C16orf74: variants seen among roughly 807,000 people sequenced by gnomAD.
C16orf74 encodes the protein uncharacterized protein C16orf74.
C16orf74 carries 10 observed loss-of-function variants against 6.5 expected under a neutral mutation model. The observed-to-expected ratio is 1.54, with a 90% CI of 0.95 to 2.61. The LOEUF (loss-of-function observed/expected upper bound fraction) is 2.61. Ranked by LOEUF, C16orf74 falls within the 30% of genes most tolerant of loss-of-function variation. C16orf74 has a pLI of 0.00. For synonymous variants in C16orf74, 60 were observed against 42.5 expected (o/e 1.41, Z -1.60); for missense variants, 141 against 105.9 (o/e 1.33, Z -1.45).
chr16:85,718,130 T>C (rs570043485), intron 2 of C16orf74, among the ~76,000 whole-genome samples: 11 of 152,344 alleles, frequency 7.2e-5, no homozygotes, highest in Non-Finnish European at 1.5e-5. Flanking sequence ...GGTCTCTCTC[T>C]GTGGCTCAGG....
At chr16:85,740,479 G>A (rs1230314451) in intron 1 of C16orf74, among the ~76,000 whole-genome samples, 1 of 151,554 alleles carries the variant, frequency 6.6e-6, no homozygotes, top group African/African-American at 2.4e-5. Context: ...GAGGTGGGAG[G>A]ATCACGAGGT....
chr16:85,712,100 CAAGCAGCCTGTG>C (rs1371974618), intron 2 of C16orf74, among the ~76,000 whole-genome samples: 1 of 152,212 alleles, frequency 6.6e-6, no homozygotes, highest in Admixed American at 6.5e-5. Context: ...CGAGGATGCT[CAAGCAGCCTGTG>C]GAGCAGCTCA....
intron 1 of C16orf74, among the ~76,000 whole-genome samples, chr16:85,739,526 C>T (rs1024828834): frequency 3.3e-5 from 5 of 152,136 alleles, no homozygotes; most frequent in Non-Finnish European, 7.3e-5. Context: ...ATGAGAGCAG[C>T]GGGATGCTGT....
At chr16:85,711,030 C>G (rs1408221040) in intron 2 of C16orf74, among the ~76,000 whole-genome samples, 1 of 152,148 alleles carries the variant, frequency 6.6e-6, no homozygotes, top group African/African-American at 2.4e-5. Flanking sequence ...ATTTCAAATG[C>G]CAGCCGGGCG....
chr16:85,718,214 C>A (rs1288781098), intron 2 of C16orf74, among the ~76,000 whole-genome samples: 1 of 152,096 alleles, frequency 6.6e-6, no homozygotes, highest in African/African-American at 2.4e-5. Context: ...GGTGAAACTA[C>A]AGGCACTCTC....
chr16:85,734,228 G>A (rs951356250), intron 2 of C16orf74, among the ~76,000 whole-genome samples: 2 of 152,160 alleles, frequency 1.3e-5, no homozygotes, highest in African/African-American at 4.8e-5. Flanking sequence ...AGCAGCCACC[G>A]CCAGAGTGTT....
intron 2 of C16orf74, among the ~76,000 whole-genome samples, chr16:85,723,051 G>A (rs1195477865): frequency 6.6e-6 from 1 of 151,416 alleles, no homozygotes; most frequent in African/African-American, 2.4e-5. Context: ...CTGAGGTCAG[G>A]AATTGAAGAC....
intron 1 of C16orf74, among the ~76,000 whole-genome samples, chr16:85,737,296 C>T (rs1380191790): frequency 6.6e-6 from 1 of 152,182 alleles, no homozygotes; most frequent in Non-Finnish European, 1.5e-5. Context: ...GCTGTGCATG[C>T]AGAGTCTCAG....
At chr16:85,725,636 C>T (rs1233562934) in intron 2 of C16orf74, among the ~76,000 whole-genome samples, 1 of 152,168 alleles carries the variant, frequency 6.6e-6, no homozygotes, top group African/African-American at 2.4e-5. Flanking sequence ...GGCTGGAGTG[C>T]AGTGGTTTTG....
At chr16:85,747,134 C>T (rs938267519) in intron 1 of C16orf74, among the ~76,000 whole-genome samples, 1 of 152,140 alleles carries the variant, frequency 6.6e-6, no homozygotes, top group African/African-American at 2.4e-5. Context: ...AAATACTTGC[C>T]CATTGCCGAC....
rs572739903 is a variant in C16orf74, at chr16:85,722,748, C to G, written c.29-12441G>C. Among the ~76,000 whole-genome samples, 348 of 151,922 alleles carry G rather than the reference C, an allele frequency of 2.3e-3. 3 individuals are homozygous for G. Among genetic ancestry groups the G allele is most frequent in the African/African-American group, 8.1e-3 (335 of 41,424 alleles). ...GGGCTCACTGCTGACGGGAAAGCCC[C>G]GGCCCAGGGCCCCAGGAGCTGCTGG... On this transcript the variant is annotated intron_variant, in intron 2 of 3. Coordinates refer to ENST00000284245, the MANE Select transcript of C16orf74 (RefSeq NM_206967.3).
intron 2 of C16orf74, among the ~76,000 whole-genome samples, chr16:85,730,887 A>AC (rs571584098): frequency 2.1e-5 from 3 of 140,586 alleles, no homozygotes; most frequent in South Asian, 2.4e-4. Context: ...AGACAACTGA[A>AC]CCCCCCCAGA....
chr16:85,719,259 G>C (rs895082741), intron 2 of C16orf74, among the ~76,000 whole-genome samples: 2 of 152,204 alleles, frequency 1.3e-5, no homozygotes, highest in Non-Finnish European at 2.9e-5. Context: ...GCTGCGGAAA[G>C]AACGGCCTCT....
At chr16:85,723,615 A>G (rs927331102) in intron 2 of C16orf74, among the ~76,000 whole-genome samples, 1 of 152,038 alleles carries the variant, frequency 6.6e-6, no homozygotes, top group Non-Finnish European at 1.5e-5. Context: ...AAGGGTACAC[A>G]CCCTCCAACC....
intron 2 of C16orf74, among the ~76,000 whole-genome samples, chr16:85,715,373 T>C (rs954071175): frequency 2.6e-5 from 4 of 152,056 alleles, no homozygotes; most frequent in African/African-American, 9.7e-5. Context: ...ACCAGCCCCA[T>C]CTTACAAATG....
intron 2 of C16orf74, among the ~76,000 whole-genome samples, chr16:85,724,916 G>A (rs921298454): frequency 2.0e-5 from 3 of 152,164 alleles, no homozygotes; most frequent in African/African-American, 4.8e-5. Context: ...ACTATCACCC[G>A]AATACTAACA....
chr16:85,736,576 G>C (rs1387110804), intron 1 of C16orf74, among the ~76,000 whole-genome samples: 3 of 152,094 alleles, frequency 2.0e-5, no homozygotes, highest in Non-Finnish European at 4.4e-5. Flanking sequence ...GGAAGGGAGG[G>C]AAAGCGAGAG....
chr16:85,727,860 C>T lies in C16orf74; in HGVS notation c.28+7330G>A, dbSNP rs537047416. On this transcript the variant is annotated intron_variant, in intron 2 of 3. Coordinates refer to ENST00000284245, the MANE Select transcript of C16orf74 (RefSeq NM_206967.3). Reference sequence around the variant, plus strand: ...ATTAGTTAATAAGAATGGATCTGGCCGGGTGCGGTGGCTCATGCCTGAAAT... The same window carrying T: ...ATTAGTTAATAAGAATGGATCTGGCTGGGTGCGGTGGCTCATGCCTGAAAT... Among the ~76,000 whole-genome samples the T allele has an allele frequency of 1.3e-4, 19 of 148,676 alleles. No homozygotes were observed. In the East Asian group the frequency reaches 2.0e-3, roughly 16 times the overall value.
chr16:85,737,734 G>C (rs10863190), intron 1 of C16orf74, among the ~76,000 whole-genome samples: 51,395 of 151,916 alleles, frequency 0.34, 9,999 homozygotes, highest in East Asian at 0.66. Flanking sequence ...ATGAGTCTTG[G>C]GCATGAGAAT....
Sources: gnomAD v4.1 joint callset for allele counts (sites outside exome capture counted in the v4.1 genomes callset) on GRCh38, gnomAD v4.1.1 for gene constraint, MANE v1.5 for transcripts, NCBI Gene and HGNC (gene_info 2026-07-23, HGNC 2026-07-21) for gene names.